Variants in C3 observed in about 807,000 individuals in gnomAD.
C3 encodes the protein C3 and PZP-like alpha-2-macroglobulin domain-containing protein 1.
A neutral mutation model predicts 207.9 loss-of-function variants in C3; 97 were observed. The observed-to-expected ratio is 0.47, with a 90% CI of 0.40 to 0.55. C3 has a LOEUF of 0.55. Ranked by LOEUF, C3 falls within the 20% of genes least tolerant of loss-of-function variation. The pLI is 0.00. For missense variants in C3, 1,684 were observed against 2,171.7 expected (o/e 0.78, Z 4.46); for synonymous variants, 848 against 857.6 (o/e 0.99, Z 0.20).
In C3 at chr19:6,696,587, A is replaced by G; in HGVS notation, c.2863+6T>C. The G allele has an allele frequency of 1.2e-6, 2 of 1,613,436 alleles. No individual in the cohort carries two copies. The highest frequency in any genetic ancestry group is 1.7e-6 in the Non-Finnish European group (2 of 1,179,682). On this transcript the variant is annotated splice_donor_region_variant and intron_variant, in intron 22 of 40. Coordinates refer to ENST00000245907, the MANE Select transcript of C3 (RefSeq NM_000064.4). The stretch of plus-strand genomic sequence containing the variant: ...CCCTCAGCCCCTCCCCCTGCAGCCG[A>G]CTCACCACGGCCCAGGCGTTCTGGA...
chr19:6,708,120 C>T (rs151210064), intron 14 of C3, among the ~76,000 whole-genome samples, 191 bp from the exon 15 acceptor site: 7 of 85,552 alleles, frequency 8.2e-5, no homozygotes, highest in African/African-American at 2.9e-4. Context: ...TTCTCTTTTT[C>T]TTTCTCTTTC....
chr19:6,697,880 C>T (rs1051702933), intron 19 of C3, 86 bp from the exon 20 acceptor site: 32 of 1,346,830 alleles, frequency 2.4e-5, no homozygotes, highest in African/African-American at 5.8e-5. Context: ...TAGTCCACTC[C>T]GCAGGAGCTC....
intron 2 of C3, among the ~76,000 whole-genome samples, chr19:6,718,793 G>A (rs574041683): frequency 2.1e-4 from 31 of 149,808 alleles, no homozygotes; most frequent in African/African-American, 6.9e-4. Flanking sequence ...GAGGGGCTTG[G>A]AAAAGGAATT....
chr19:6,715,708 G>A (rs535099622), intron 4 of C3, among the ~76,000 whole-genome samples: 34 of 147,590 alleles, frequency 2.3e-4, no homozygotes, highest in Non-Finnish European at 3.7e-4. Context: ...TGCAGGCTCC[G>A]CCTCCCGGGT....
intron 27 of C3, among the ~76,000 whole-genome samples, chr19:6,689,356 CCTCCCTCTCT>C (rs1568213546): frequency 5.9e-4 from 28 of 47,192 alleles, no homozygotes; most frequent in African/African-American, 3.3e-3. Context: ...TCCCTCCCTC[CCTCCCTCTCT>C]CTCTCTCTCT....
At position 6,692,233 on chromosome 19, in the gene C3, G is replaced by A. The variant is rs146969259; in HGVS notation, c.3390+691C>T. Among the ~76,000 whole-genome samples, 1,301 of 152,292 alleles carry A rather than the reference G, an allele frequency of 8.5e-3. 14 individuals carry two copies. Among genetic ancestry groups the A allele is most frequent in the African/African-American group, 0.029 (1,188 of 41,558 alleles). ...TCCTCCTGCCTCGGCCTCCCAAAGC[G>A]CTGGGATTACAGGCATGGGCCGTCG... On this transcript the variant is annotated intron_variant, in intron 26 of 40. Transcript: ENST00000245907.
At chr19:6,711,502 G>A (rs558435980) in intron 11 of C3, among the ~76,000 whole-genome samples, 2 of 152,212 alleles carry the variant, frequency 1.3e-5, no homozygotes, top group Non-Finnish European at 2.9e-5. Flanking sequence ...AGGCCTTTAG[G>A]GTGCCCTGGC....
rs534970792 is a variant in C3, at chr19:6,692,442, GGTGA to G, written c.3390+478_3390+481del. Among the ~76,000 whole-genome samples, 485 of 152,276 alleles carry G rather than the reference GGTGA, an allele frequency of 3.2e-3. 4 individuals are homozygous for G. The highest frequency in any genetic ancestry group is 0.011 in the African/African-American group (464 of 41,558). Reference sequence around the variant, plus strand: ...GAAAAAATCACCCCAACTGCTATGTGGTGAGTGTCTGAGAGCCAACAAAAGTGGG... The same window carrying G: ...GAAAAAATCACCCCAACTGCTATGTGGTGTCTGAGAGCCAACAAAAGTGGG... On this transcript the variant is annotated intron_variant, in intron 26 of 40. Coordinates refer to ENST00000245907, the MANE Select transcript of C3 (RefSeq NM_000064.4).
chr19:6,686,037 G>T (rs957247955), intron 29 of C3, 87 bp downstream of exon 29: 2 of 1,343,572 alleles, frequency 1.5e-6, no homozygotes, highest in Non-Finnish European at 2.1e-6. Flanking sequence ...GAACTGCCTC[G>T]CTGGGCCTCA....
At chr19:6,693,168 C>T in intron 25 of C3, 85 bp from the exon 26 acceptor site, 2 of 1,513,188 alleles carry the variant, frequency 1.3e-6, no homozygotes, top group South Asian at 1.1e-5. Flanking sequence ...GGGGGAGGGA[C>T]CAGGGCCTGG....
In C3 at chr19:6,719,122, G is replaced by A; in HGVS notation, c.267+89C>T. 1.7e-6 allele frequency: 2 copies of A among 1,168,512 alleles called. No individual in the cohort carries two copies. The highest frequency in any genetic ancestry group is 2.6e-6 in the Non-Finnish European group (2 of 778,788). The allele number at this position is 1,168,512 out of a possible 1,614,324, so 72.4% of individuals were successfully genotyped here. A position where few individuals can be genotyped will look rare whatever the true frequency, so the allele number is the denominator to read the frequency against. On this transcript the variant is annotated intron_variant, in intron 2 of 40. Transcript: ENST00000245907. This position sits in a 1 kb window ranked among gnomAD's most constrained non-coding sequence, Gnocchi z 5.4. ...CAGGGAAGGGCAGGGCTTAGAAAGG[G>A]AGAAGACAGAAGGGGAGGGGCTCAG... is the stretch of plus-strand genomic sequence containing the variant.
intron 30 of C3, 44 bp downstream of exon 30, chr19:6,684,944 G>T (rs769785977): frequency 6.2e-7 from 1 of 1,612,284 alleles, no homozygotes; most frequent in Admixed American, 1.7e-5. Context: ...GCTAGTGTAG[G>T]GGGAGACAGC....
At chr19:6,708,860 A>T (rs189097793) in intron 14 of C3, among the ~76,000 whole-genome samples, 10 of 150,702 alleles carry the variant, frequency 6.6e-5, no homozygotes, top group African/African-American at 1.5e-4. Flanking sequence ...CTATTTTAAA[A>T]TTTTTTCTGT....
rs112168459 is a variant in C3 at position 6,712,249 on chromosome 19, A to G, written c.1269+8T>C. ...GTGATGGGGTTCCGAGGCTGGGCCC[A>G]GACGCACCGTGATGCTCAAGGGCTT... On this transcript the variant is annotated splice_region_variant and intron_variant, in intron 11 of 40. Transcript: ENST00000245907. 5.0e-6 allele frequency: 8 copies of G among 1,613,460 alleles called. No homozygotes were observed. In the African/African-American group the frequency reaches 5.3e-5, roughly 11 times the overall value.
At chr19:6,712,122 C>G in intron 11 of C3, 135 bp downstream of exon 11, 3 of 1,122,036 alleles carry the variant, frequency 2.7e-6, no homozygotes, top group Non-Finnish European at 1.3e-6. Flanking sequence ...ATGGCAGGAC[C>G]CCTCTGCGCA....
chr19:6,680,312 C>G, intron 35 of C3, 49 bp from the exon 36 acceptor site: 1 of 975,252 alleles, frequency 1.0e-6, no homozygotes, highest in African/African-American at 1.6e-5. Flanking sequence ...GGGAGGGAGT[C>G]CAGCATTGTC....
At chr19:6,701,517 C>T (rs368244386) in intron 19 of C3, among the ~76,000 whole-genome samples, 17 of 152,194 alleles carry the variant, frequency 1.1e-4, no homozygotes, top group South Asian at 2.1e-4. Context: ...TCAGAGCATA[C>T]GGTCACTTTT....
chr19:6,700,006 C>T (rs909905948), intron 19 of C3, among the ~76,000 whole-genome samples: 33 of 147,230 alleles, frequency 2.2e-4, no homozygotes, highest in Non-Finnish European at 3.0e-5. Flanking sequence ...AACATGTCAA[C>T]AATAACAAAT....
rs11569479 is a variant in C3, at chr19:6,696,783, T to C, written c.2797-124A>G. On this transcript the variant is annotated intron_variant, in intron 21 of 40. Transcript: ENST00000245907. ...ATTGCCGGGCGCGGTGGCTCGTGCC[T>C]GTGATCCTAGCACTTTGGGAGGCCG... 113,989 of 893,040 alleles carry C rather than the reference T, an allele frequency of 0.13. 8,201 individuals carry two copies. Among genetic ancestry groups the C allele is most frequent in the Non-Finnish European group, 0.14 (74,735 of 538,504 alleles). 55.3% of individuals were successfully genotyped at this position (893,040 alleles called of 1,614,324 possible). A position where few individuals can be genotyped will look rare whatever the true frequency, so the allele number is the denominator to read the frequency against.
Sources: allele counts gnomAD v4.1 joint callset (sites outside exome capture counted in the v4.1 genomes callset), GRCh38; gene constraint gnomAD v4.1.1; non-coding constraint Gnocchi (gnomAD v3.1); transcripts MANE v1.5; gene names NCBI Gene and HGNC (gene_info 2026-07-23, HGNC 2026-07-21).